SNRPN: variants seen among roughly 807,000 people sequenced by gnomAD.
The protein encoded by SNRPN is small nuclear ribonucleoprotein-associated protein N.
SNRPN carries 7 observed loss-of-function variants against 25.2 expected under a neutral mutation model. The observed-to-expected ratio is 0.28, with a 90% CI of 0.16 to 0.52. The LOEUF is 0.52. Among genes scored for constraint, SNRPN ranks in the 20% least tolerant of loss-of-function variants. The pLI, the probability that SNRPN is intolerant of heterozygous loss-of-function variation, is 0.96. For synonymous variants in SNRPN, 124 were observed against 110.6 expected (o/e 1.12, Z -0.76); for missense variants, 196 against 322.5 (o/e 0.61, Z 3.00).
At chr15:24,904,903 A>G (rs991886400) in intron 2 of SNRPN, among the ~76,000 whole-genome samples, 1 of 147,758 alleles carries the variant, frequency 6.8e-6, no homozygotes, top group African/African-American at 2.5e-5. Context: ...AGATCGCGCC[A>G]CTGCACTCCA....
intron 2 of SNRPN, among the ~76,000 whole-genome samples, chr15:24,839,764 C>T (rs1242370426): frequency 1.3e-5 from 2 of 151,716 alleles, no homozygotes; most frequent in Non-Finnish European, 1.5e-5. Context: ...GAGCCTTAGG[C>T]TCCAGACAGC....
intron 2 of SNRPN, among the ~76,000 whole-genome samples, chr15:24,888,110 G>A (rs977779408): frequency 2.4e-5 from 3 of 126,260 alleles, no homozygotes; most frequent in African/African-American, 5.4e-5. Context: ...TATTAGAAAT[G>A]ACTTTTTTTT....
In SNRPN at chr15:24,926,429, A is replaced by T. The variant is rs2060384357; in HGVS notation, c.-391+6305A>T. On this transcript the variant is annotated intron_variant, in intron 3 of 11. Coordinates refer to the SNRPN transcript ENST00000400097. ...CATAAATTATTGTCCTGACATGATT[A>T]TGAATAATCCTGCTTTCTCTCAGAA... 2.0e-5 allele frequency among the ~76,000 whole-genome samples: 3 copies of T among 152,168 alleles called. No homozygotes were observed. The South Asian group carries it at 6.2e-4, about 31-fold the overall frequency.
chr15:24,970,790 C>T (rs920749297), intron 3 of SNRPN, among the ~76,000 whole-genome samples: 1 of 152,144 alleles, frequency 6.6e-6, no homozygotes, highest in Non-Finnish European at 1.5e-5. Flanking sequence ...TTCTCAGTAC[C>T]ACCCTTTGTA....
At chr15:24,824,887 G>A (rs916484081) in intron 1 of SNRPN, among the ~76,000 whole-genome samples, 14 of 152,162 alleles carry the variant, frequency 9.2e-5, no homozygotes, top group Admixed American at 7.8e-4. Context: ...TCTGCAATAC[G>A]AATTGTGCAA....
chr15:24,898,550 T>C (rs1015303497), intron 2 of SNRPN, among the ~76,000 whole-genome samples: 1 of 151,548 alleles, frequency 6.6e-6, no homozygotes, highest in African/African-American at 2.4e-5. Flanking sequence ...ATCGCACCAC[T>C]GCACCCCATC....
chr15:24,865,938 A>G (rs1314961648), intron 1 of SNRPN, among the ~76,000 whole-genome samples: 1 of 152,030 alleles, frequency 6.6e-6, no homozygotes, highest in East Asian at 1.9e-4. Flanking sequence ...GGGGCTTAGG[A>G]TTTTATTTTT....
Position 24,975,284 on chromosome 15 carries a change from G to A in SNRPN, c.4-74G>A, listed in dbSNP as rs1234822752. ...ACCAGGCTTAGATTATGTAAGGGTGGAGAAGAAACAGGAGAAGATTAGAAG... is the reference window on the plus strand; with the variant it reads ...ACCAGGCTTAGATTATGTAAGGGTGAAGAAGAAACAGGAGAAGATTAGAAG... On this transcript the variant is annotated intron_variant, in intron 4 of 9. Coordinates refer to ENST00000390687, the MANE Select transcript of SNRPN (RefSeq NM_003097.6). 6.8e-6 allele frequency: 8 copies of A among 1,180,174 alleles called. No individual in the cohort carries two copies. The Admixed American group carries it at 1.5e-4, about 23-fold the overall frequency. The allele number at this position is 1,180,174 out of a possible 1,614,324, so 73.1% of individuals were successfully genotyped here. A position where few individuals can be genotyped will look rare whatever the true frequency, so the allele number is the denominator to read the frequency against.
chr15:24,884,093 C>T (rs569117508), intron 1 of SNRPN, among the ~76,000 whole-genome samples: 154 of 140,606 alleles, frequency 1.1e-3, no homozygotes, highest in African/African-American at 4.0e-3. Context: ...AGGAAGATTG[C>T]TTGAGCTCAG....
intron 3 of SNRPN, among the ~76,000 whole-genome samples, chr15:24,930,516 A>G (rs1194209426): frequency 6.7e-6 from 1 of 149,582 alleles, no homozygotes; most frequent in Non-Finnish European, 1.5e-5. Flanking sequence ...GAGACTGAGA[A>G]GGGAGGATCA....
intron 3 of SNRPN, chr15:24,968,648 C>T (rs2076004418): frequency 6.6e-6 from 1 of 152,662 alleles, no homozygotes; most frequent in Non-Finnish European, 1.5e-5. Flanking sequence ...TGGTTTATGT[C>T]AGTGAATTAT....
intron 2 of SNRPN, among the ~76,000 whole-genome samples, chr15:24,838,994 A>G (rs898920381): frequency 2.6e-5 from 4 of 152,010 alleles, no homozygotes; most frequent in Non-Finnish European, 5.9e-5. Flanking sequence ...AAAAGGAAAA[A>G]GAATGGTAGG....
chr15:24,877,724 C>T (rs897802985), intron 1 of SNRPN, among the ~76,000 whole-genome samples: 15 of 152,028 alleles, frequency 9.9e-5, no homozygotes, highest in African/African-American at 2.2e-4. Context: ...CAGTGGCGCG[C>T]GCCTGTAATC....
chr15:24,954,788 G>A (rs1392391616), upstream of SNRPN: 1 of 566,460 alleles, frequency 1.8e-6, no homozygotes, highest in South Asian at 2.3e-5. Context: ...GGTTTCTAGA[G>A]GCCCCCTCTC....
chr15:24,857,958 T>C (rs2053573368), intron 1 of SNRPN, among the ~76,000 whole-genome samples: 3 of 152,228 alleles, frequency 2.0e-5, no homozygotes, highest in Admixed American at 1.3e-4. Context: ...AGCTGTCCTC[T>C]TGCGCTGAGT....
chr15:24,894,717 G>C (rs1238527453), intron 2 of SNRPN, among the ~76,000 whole-genome samples: 2 of 152,112 alleles, frequency 1.3e-5, no homozygotes, highest in Non-Finnish European at 2.9e-5. Flanking sequence ...TTCTTCTCTT[G>C]ACCAGGAACT....
chr15:24,905,191 A>T (rs2058718421), intron 2 of SNRPN, among the ~76,000 whole-genome samples: 1 of 151,868 alleles, frequency 6.6e-6, no homozygotes, highest in Admixed American at 6.6e-5. Context: ...CAGAAATCCC[A>T]TCCGATTTTA....
chr15:24,952,158 T>A (rs1284034949), upstream of SNRPN, among the ~76,000 whole-genome samples: 1 of 152,180 alleles, frequency 6.6e-6, no homozygotes, highest in African/African-American at 2.4e-5. Flanking sequence ...TGTGTACCTG[T>A]ATACATATAT....
chr15:24,969,197 C>T (rs1316585238), intron 3 of SNRPN, among the ~76,000 whole-genome samples: 1 of 152,062 alleles, frequency 6.6e-6, no homozygotes, highest in African/African-American at 2.4e-5. Context: ...GGTATGGTTT[C>T]GGCTCACTGC....
Sources: allele counts gnomAD v4.1 joint callset (sites outside exome capture counted in the v4.1 genomes callset), GRCh38; gene constraint gnomAD v4.1.1; transcripts MANE v1.5; gene names NCBI Gene and HGNC (gene_info 2026-07-23, HGNC 2026-07-21).